CFAP99: variants seen among roughly 807,000 people sequenced by gnomAD.
CFAP99 encodes cilia and flagella associated protein 99, also known as cilia- and flagella-associated protein 99.
In CFAP99, 84 loss-of-function variants were observed where a neutral mutation model predicts 82.7. That is an observed-to-expected ratio of 1.02 (90% CI 0.85 to 1.22). The LOEUF is 1.22. Among genes scored for constraint, CFAP99 ranks in the 50% most tolerant of loss-of-function variants. The probability of loss-of-function intolerance (pLI) is 0.00; values close to 1 mark genes in which losing one functional copy is unlikely to be tolerated. For synonymous variants in CFAP99, 456 were observed against 429.5 expected, an observed-to-expected ratio of 1.06 and a Z score of -0.76; for missense variants, 1,059 against 983.5, an observed-to-expected ratio of 1.08 and a Z score of -1.03.
At chr4:2,459,587 TG>T (rs1179649231) in intron 13 of CFAP99, among the ~76,000 whole-genome samples, 1 of 151,962 alleles carries the variant, frequency 6.6e-6, no homozygotes, top group Non-Finnish European at 1.5e-5. Context: ...AGAGCGCAGG[TG>T]TTTTCAAAGG....
intron 3 of CFAP99, 42 bp downstream of exon 3, chr4:2,437,060 G>A (rs1169241440): frequency 1.4e-5 from 22 of 1,534,360 alleles, no homozygotes; most frequent in Non-Finnish European, 1.8e-5. Flanking sequence ...CGTAGAGACG[G>A]TTCACTCAGG....
chr4:2,436,095 AT>A (rs1446731212), intron 2 of CFAP99, among the ~76,000 whole-genome samples: 4 of 145,248 alleles, frequency 2.8e-5, no homozygotes, highest in Admixed American at 6.8e-5. Flanking sequence ...AAAAAAAAAA[AT>A]CTATATATAT....
chr4:2,445,150 G>GTTGATC, exon 6 of CFAP99: 2 of 1,396,774 alleles, frequency 1.4e-6, no homozygotes, highest in Non-Finnish European at 1.9e-6. Context: ...AGAGGTCCAG[G>GTTGATC]AGCTGATCAA....
At chr4:2,451,396 C>T (rs1438741022) in intron 10 of CFAP99, 44 bp downstream of exon 10, 1 of 1,521,230 alleles carries the variant, frequency 6.6e-7, no homozygotes, top group Non-Finnish European at 8.8e-7. Flanking sequence ...ACGGCATCAC[C>T]CTTGAGAGGA....
intron 1 of CFAP99, among the ~76,000 whole-genome samples, chr4:2,422,800 G>A (rs1427530892): frequency 2.6e-5 from 4 of 152,296 alleles, no homozygotes; most frequent in Middle Eastern, 3.4e-3. Flanking sequence ...TGTTTCTCTA[G>A]AAGTAGACCT....
intron 2 of CFAP99, among the ~76,000 whole-genome samples, chr4:2,433,075 G>A (rs2108715863): frequency 6.6e-6 from 1 of 152,270 alleles, no homozygotes; most frequent in South Asian, 2.1e-4. Context: ...CTGGCCGTGG[G>A]CCCGGCCCAG....
intron 2 of CFAP99, among the ~76,000 whole-genome samples, chr4:2,434,061 A>G (rs1219176698): frequency 6.6e-6 from 1 of 152,182 alleles, no homozygotes; most frequent in African/African-American, 2.4e-5. Context: ...AAGGGCCAGG[A>G]AGACAGACCG....
intron 11 of CFAP99, among the ~76,000 whole-genome samples, chr4:2,456,169 T>C (rs1202435267): frequency 6.6e-6 from 1 of 152,210 alleles, no homozygotes; most frequent in Non-Finnish European, 1.5e-5. Flanking sequence ...TCTGTTTTTT[T>C]CAACAGTTAC....
chr4:2,435,486 C>A (rs946435953), intron 2 of CFAP99, among the ~76,000 whole-genome samples: 1 of 151,720 alleles, frequency 6.6e-6, no homozygotes, highest in South Asian at 2.1e-4. Context: ...AACATAGAGA[C>A]CTTATAAAAA....
intron 13 of CFAP99, 133 bp from the exon 14 acceptor site, chr4:2,459,904 T>C: frequency 1.3e-6 from 1 of 760,602 alleles, no homozygotes; most frequent in South Asian, 1.6e-5. Flanking sequence ...GCTGGGGGCA[T>C]GTTTCATAAG....
At chr4:2,449,859 A>G (rs1264028691) in intron 7 of CFAP99, 75 bp from the exon 8 acceptor site, 11 of 1,529,774 alleles carry the variant, frequency 7.2e-6, no homozygotes, top group Non-Finnish European at 9.6e-6. Context: ...GGCTGGGTGG[A>G]AGTTCGTCCT....
At chr4:2,422,894 C>T (rs1437790556) in intron 1 of CFAP99, among the ~76,000 whole-genome samples, 2 of 152,200 alleles carry the variant, frequency 1.3e-5, no homozygotes, top group Non-Finnish European at 2.9e-5. Context: ...GCACCTTCAA[C>T]CTCCTGGGCT....
At chr4:2,440,626 T>A (rs998324435) in intron 4 of CFAP99, among the ~76,000 whole-genome samples, 1 of 151,768 alleles carries the variant, frequency 6.6e-6, no homozygotes, top group Non-Finnish European at 1.5e-5. Context: ...GGAGTCTCAC[T>A]CTGTCCCCCA....
intron 4 of CFAP99, among the ~76,000 whole-genome samples, chr4:2,439,758 T>C (rs1733992858): frequency 6.6e-6 from 1 of 152,190 alleles, no homozygotes; most frequent in African/African-American, 2.4e-5. Context: ...CCAGCTTCCC[T>C]GGAAACCAGA....
exon 12 of CFAP99, chr4:2,458,797 G>C: frequency 6.5e-7 from 1 of 1,535,958 alleles, no homozygotes; most frequent in Non-Finnish European, 8.7e-7. Context: ...TGGTGGAGCA[G>C]GTGATAGAGG....
Position 2,462,706 on chromosome 4 carries a change from G to T in CFAP99, c.1925G>T (p.Trp642Leu). The T allele has an allele frequency of 8.0e-7, 1 of 1,252,174 alleles. No individual in the cohort carries two copies. Among genetic ancestry groups the T allele is most frequent in the South Asian group, 2.8e-5 (1 of 36,136 alleles). The allele number at this position is 1,252,174 out of a possible 1,614,324, so 77.6% of individuals were successfully genotyped here. A position where few individuals can be genotyped will look rare whatever the true frequency, so the allele number is the denominator to read the frequency against. The change falls in exon 15 of 15, where the codon TGG becomes TTG. Residue 642 changes from tryptophan to leucine, a missense_variant. Coordinates refer to ENST00000635017, the Ensembl canonical transcript of CFAP99. This position sits in a 1 kb window ranked among gnomAD's most constrained non-coding sequence, Gnocchi z 4.1. ...GGGACCGGCGTCCCGGGGCGGGGAT[G>T]GCGGGGAGATCGGGTCCGGTCCGCG... is the stretch of plus-strand genomic sequence containing the variant.
At chr4:2,451,995 T>G in intron 10 of CFAP99, 147 bp from the exon 11 acceptor site, 1 of 744,960 alleles carries the variant, frequency 1.3e-6, no homozygotes, top group Non-Finnish European at 2.2e-6. Flanking sequence ...GGGTCGGGGA[T>G]AGGAGGAAGG....
chr4:2,435,033 C>T (rs1052122140), intron 2 of CFAP99, among the ~76,000 whole-genome samples: 3 of 152,080 alleles, frequency 2.0e-5, no homozygotes, highest in Non-Finnish European at 4.4e-5. Context: ...GGGTGGCTCA[C>T]ACCTGTAATC....
At chr4:2,431,925 C>T (rs1359583320) in intron 2 of CFAP99, among the ~76,000 whole-genome samples, 2 of 152,144 alleles carry the variant, frequency 1.3e-5, no homozygotes, top group African/African-American at 4.8e-5. Flanking sequence ...TTATATTTTC[C>T]TAAGTTTTGA....
Sources: gnomAD v4.1 joint callset for allele counts (sites outside exome capture counted in the v4.1 genomes callset) on GRCh38, gnomAD v4.1.1 for gene constraint, Gnocchi (gnomAD v3.1) non-coding constraint, MANE v1.5 for transcripts, NCBI Gene and HGNC (gene_info 2026-07-23, HGNC 2026-07-21) for gene names.